PARD3: variants seen among roughly 807,000 people sequenced by gnomAD.
PARD3 encodes par-3 family cell polarity regulator, also known as partitioning defective 3 homolog.
Under a neutral mutation model 155.4 loss-of-function variants are expected in PARD3, and 75 were observed. That is an observed-to-expected ratio of 0.48 (90% CI 0.40 to 0.58). The LOEUF is 0.58. Ranked by LOEUF, PARD3 falls within the 20% of genes least tolerant of loss-of-function variation. The probability of loss-of-function intolerance (pLI) is 0.00; values close to 1 mark genes in which losing one functional copy is unlikely to be tolerated. For synonymous variants in PARD3, 576 were observed against 610.5 expected, an observed-to-expected ratio of 0.94 and a Z score of 0.83; for missense variants, 1,642 against 1,721.7, an observed-to-expected ratio of 0.95 and a Z score of 0.82.
At chr10:34,734,825 T>C (rs2094883690) in intron 1 of PARD3, among the ~76,000 whole-genome samples, 1 of 152,176 alleles carries the variant, frequency 6.6e-6, no homozygotes, top group East Asian at 1.9e-4. Context: ...GAGGCCTTCT[T>C]AAGCAAGACA....
At chr10:34,309,548 CAAAAAAAAAAAAAAAAAAAAA>C (rs1173904388) in intron 20 of PARD3, among the ~76,000 whole-genome samples, 1 of 64,000 alleles carries the variant, frequency 1.6e-5, no homozygotes, top group Non-Finnish European at 2.8e-5. Context: ...ACCCTGTCTC[CAAAAAAAAAAAAAAAAAAAAA>C]AAAAAAAAAA....
chr10:34,133,077 C>T (rs1947697347), intron 22 of PARD3, among the ~76,000 whole-genome samples: 1 of 152,168 alleles, frequency 6.6e-6, no homozygotes, highest in African/African-American at 2.4e-5. Flanking sequence ...CCAATAAAAT[C>T]CCCACATTCA....
At chr10:34,393,104 G>C (rs1243861696) in intron 7 of PARD3, among the ~76,000 whole-genome samples, 1 of 149,068 alleles carries the variant, frequency 6.7e-6, no homozygotes, top group African/African-American at 2.5e-5. Flanking sequence ...TCTTTGATCT[G>C]AGATATCAAA....
At chr10:34,507,622 C>T (rs1399486746) in intron 3 of PARD3, among the ~76,000 whole-genome samples, 1 of 149,382 alleles carries the variant, frequency 6.7e-6, no homozygotes, top group African/African-American at 2.5e-5. Flanking sequence ...ATGTCTGAAA[C>T]CCCATAAAAC....
At chr10:34,461,679 G>A (rs1480786748) in intron 4 of PARD3, among the ~76,000 whole-genome samples, 1 of 152,110 alleles carries the variant, frequency 6.6e-6, no homozygotes, top group Non-Finnish European at 1.5e-5. Flanking sequence ...AATGTATATA[G>A]ACTACGCAAA....
chr10:34,158,309 T>C (rs1949111320), intron 22 of PARD3, among the ~76,000 whole-genome samples: 1 of 152,206 alleles, frequency 6.6e-6, no homozygotes, highest in Admixed American at 6.5e-5. Flanking sequence ...ACAACTTTAA[T>C]GGGAGGCATT....
intron 22 of PARD3, among the ~76,000 whole-genome samples, chr10:34,254,069 G>GA (rs1380068147): frequency 1.3e-5 from 2 of 152,150 alleles, no homozygotes; most frequent in Non-Finnish European, 2.9e-5. Context: ...ACTTGTACCT[G>GA]ATGAATACAA....
rs61218571 is a variant in PARD3 at position 34,467,329 on chromosome 10, T to TTGTGTGTGTGTGTGTGTG, written c.582+2738_582+2755dup. Among the ~76,000 whole-genome samples the TTGTGTGTGTGTGTGTGTG allele has an allele frequency of 9.5e-4, 139 of 147,080 alleles. 2 individuals are homozygous for TTGTGTGTGTGTGTGTGTG. The highest frequency in any genetic ancestry group is 2.2e-4 in the South Asian group (1 of 4,566). ...TATATGAACATAGCATGACTCCAAC[T>TTGTGTGTGTGTGTGTGTG]TGTGTGTGTGTGTGTGTGTGTGTGT... On this transcript the variant is annotated intron_variant, in intron 4 of 24. Coordinates refer to ENST00000374788, the MANE Select transcript of PARD3 (RefSeq NM_001184785.2).
chr10:34,554,828 C>G (rs1028875821), intron 2 of PARD3, among the ~76,000 whole-genome samples: 9 of 152,264 alleles, frequency 5.9e-5, no homozygotes, highest in African/African-American at 9.6e-5. Context: ...CACAATGAGA[C>G]AAACAGCCAA....
intron 2 of PARD3, among the ~76,000 whole-genome samples, chr10:34,622,374 A>ATT (rs1436089067): frequency 6.6e-6 from 1 of 152,230 alleles, no homozygotes; most frequent in South Asian, 2.1e-4. Flanking sequence ...ATAAATTAAC[A>ATT]TACAAAGGGA....
At chr10:34,753,337 C>T (rs1402055239) in intron 1 of PARD3, among the ~76,000 whole-genome samples, 1 of 152,228 alleles carries the variant, frequency 6.6e-6, no homozygotes, top group African/African-American at 2.4e-5. Context: ...AGGCAGACGA[C>T]TGGTGCAAGC....
At chr10:34,269,966 A>G in intron 21 of PARD3, 67 bp from the exon 22 acceptor site, 2 of 1,417,144 alleles carry the variant, frequency 1.4e-6, no homozygotes, top group Non-Finnish European at 2.0e-6. Flanking sequence ...ATATAGAAAC[A>G]TTCATCAAAA....
intron 15 of PARD3, chr10:34,343,452 T>C: frequency 1.0e-6 from 1 of 979,434 alleles, no homozygotes; most frequent in Non-Finnish European, 1.2e-6. Flanking sequence ...TACAATATTG[T>C]ATACATAGAT....
chr10:34,442,428 C>T (rs1190567252), intron 5 of PARD3, among the ~76,000 whole-genome samples: 1 of 152,176 alleles, frequency 6.6e-6, no homozygotes, highest in African/African-American at 2.4e-5. Context: ...CTGAATAAAC[C>T]ACCTCCTATT....
intron 1 of PARD3, among the ~76,000 whole-genome samples, chr10:34,783,473 G>A (rs1025372083): frequency 1.3e-4 from 19 of 151,710 alleles, no homozygotes; most frequent in South Asian, 4.2e-4. Flanking sequence ...GCGTGGTGGC[G>A]GGCGCCTGTA....
chr10:34,357,564 C>T (rs570471449), intron 14 of PARD3, among the ~76,000 whole-genome samples: 2 of 152,250 alleles, frequency 1.3e-5, no homozygotes, highest in South Asian at 4.1e-4. Flanking sequence ...GTTAAAAGAT[C>T]AGCTAATGAT....
At chr10:34,643,619 A>C (rs1380315131) in intron 2 of PARD3, among the ~76,000 whole-genome samples, 1 of 152,240 alleles carries the variant, frequency 6.6e-6, no homozygotes, top group East Asian at 1.9e-4. Context: ...TTCTCATGTA[A>C]ATCTAAAATA....
intron 2 of PARD3, among the ~76,000 whole-genome samples, chr10:34,596,831 A>G (rs767718691): frequency 9.2e-5 from 14 of 152,192 alleles, no homozygotes; most frequent in Non-Finnish European, 1.8e-4. Flanking sequence ...TTGCACTCAC[A>G]ATTTGTAATA....
At chr10:34,368,122 T>C (rs1840163993) in intron 12 of PARD3, among the ~76,000 whole-genome samples, 1 of 151,854 alleles carries the variant, frequency 6.6e-6, no homozygotes, top group Admixed American at 6.6e-5. Context: ...TGGTGGCGCA[T>C]GCCTGTAATT....
Sources: allele counts gnomAD v4.1 joint callset (sites outside exome capture counted in the v4.1 genomes callset), GRCh38; gene constraint gnomAD v4.1.1; transcripts MANE v1.5; gene names NCBI Gene and HGNC (gene_info 2026-07-23, HGNC 2026-07-21).